Variants in MLLT1 observed in about 807,000 individuals in gnomAD.
MLLT1 encodes protein ENL.
A neutral mutation model predicts 55.1 loss-of-function variants in MLLT1; 11 were observed. The ratio of observed to expected loss-of-function variants is 0.20; its 90% confidence interval spans 0.13 to 0.33. MLLT1 has a LOEUF of 0.33. MLLT1 is among the 10% of genes least tolerant of loss of function. MLLT1 has a pLI of 1.00. For missense variants in MLLT1, 536 were observed against 760.6 expected (o/e 0.70, Z 3.47); for synonymous variants, 323 against 320.1 (o/e 1.01, Z -0.10).
chr19:6,256,437 T>A lies in MLLT1; in HGVS notation c.276+5791A>T, dbSNP rs900227327. ...TTGCACCACTGCACTCCAGCCTGGG[T>A]GATAGAGCAAGACTCTGACAAAAAA... On this transcript the variant is annotated intron_variant, in intron 3 of 11. Transcript: ENST00000252674. This position sits in a 1 kb window ranked among gnomAD's most constrained non-coding sequence, Gnocchi z 4.1. 2.1e-5 allele frequency among the ~76,000 whole-genome samples: 3 copies of A among 146,254 alleles called. No homozygotes were observed. The highest frequency in any genetic ancestry group is 7.7e-5 in the African/African-American group (3 of 39,170).
chr19:6,223,760 G>A (rs1827049284), intron 5 of MLLT1, among the ~76,000 whole-genome samples: 2 of 152,028 alleles, frequency 1.3e-5, no homozygotes, highest in Admixed American at 6.5e-5. Flanking sequence ...CCCACGGTGG[G>A]AGCCACGCCT....
intron 8 of MLLT1, 135 bp downstream of exon 8, chr19:6,216,270 G>A (rs2144847124): frequency 1.5e-6 from 1 of 664,092 alleles, no homozygotes; most frequent in Admixed American, 2.4e-5. Context: ...GGCCACCTGG[G>A]GATGGATCCC....
chr19:6,217,958 G>A lies in MLLT1; in HGVS notation c.1194C>T (p.Ser398=), dbSNP rs2144850926. The part of the protein sequence containing the change: ...DSDFEPSQNH[S]QGPLRSMVED... ...CCAGCTGCTCTCCATACACACCTTG[G>A]CTGTGGTTCTGGGATGGCTCGAAGT... The change falls in exon 7 of 12, where the codon AGC becomes AGT. Residue 398 remains serine (S), a synonymous_variant. Transcript: ENST00000252674. 2 of 1,603,950 alleles carry A rather than the reference G, an allele frequency of 1.2e-6. No individual in the cohort carries two copies. Among genetic ancestry groups the A allele is most frequent in the South Asian group, 1.1e-5 (1 of 90,222 alleles).
intron 2 of MLLT1, among the ~76,000 whole-genome samples, chr19:6,264,824 G>A (rs1359776569): frequency 5.3e-5 from 8 of 150,340 alleles, no homozygotes; most frequent in Non-Finnish European, 8.9e-5. Flanking sequence ...GCACCCAGGC[G>A]GTGGAGGTTG....
At position 6,222,512 on chromosome 19, in the gene MLLT1, T is replaced by C. The variant is rs1286763401; in HGVS notation, c.719A>G (p.Lys240Arg). 1 of 1,599,526 alleles carries C rather than the reference T, an allele frequency of 6.3e-7. No homozygotes were observed. The highest frequency in any genetic ancestry group is 8.5e-7 in the Non-Finnish European group (1 of 1,179,452). ...SRKLGEGRLP[K>R]EEKAPPPKAA... is the part of the protein sequence containing the mutation. The stretch of plus-strand genomic sequence containing the variant: ...CTTGGGCGGTGGCGCCTTCTCCTCC[T>C]TGGGCAGCCGGCCCTCGCCCAGCTT... The change falls in exon 6 of 12, where the codon AAG becomes AGG. Residue 240 changes from lysine (K) to arginine (R), a missense_variant. Physicochemically the swap from Lys to Arg is conservative, Grantham distance 26. This residue lies in a region of MLLT1 where 449 missense variants were observed against 489.0 expected (regional missense o/e 0.92). Transcript: ENST00000252674. This position sits in a 1 kb window ranked among gnomAD's most constrained non-coding sequence, Gnocchi z 4.1.
chr19:6,274,847 T>C (rs2091419975), intron 1 of MLLT1, among the ~76,000 whole-genome samples: 1 of 152,198 alleles, frequency 6.6e-6, no homozygotes, highest in Non-Finnish European at 1.5e-5. Flanking sequence ...TGGGGACAGT[T>C]AGGCTTGGGC....
chr19:6,225,403 C>T (rs966614533), intron 5 of MLLT1, among the ~76,000 whole-genome samples: 1 of 152,232 alleles, frequency 6.6e-6, no homozygotes, highest in Non-Finnish European at 1.5e-5. Flanking sequence ...ACTCTCCAGG[C>T]AGAGAGCCAG....
Position 6,212,480 on chromosome 19 carries a change from A to C in MLLT1, c.*562T>G. 1 of 1,066,710 alleles carries C rather than the reference A, an allele frequency of 9.4e-7. No individual in the cohort carries two copies. 66.1% of individuals were successfully genotyped at this position (1,066,710 alleles called of 1,614,324 possible). A position where few individuals can be genotyped will look rare whatever the true frequency, so the allele number is the denominator to read the frequency against. ...GACACTGCTCTTGACCAGACAGTGC[A>C]CACACATATATAATAGAGAGAACTA... On this transcript the variant is annotated 3_prime_UTR_variant, in exon 12 of 12. Coordinates refer to ENST00000252674, the MANE Select transcript of MLLT1 (RefSeq NM_005934.4).
chr19:6,271,399 G>C (rs1041144105), intron 1 of MLLT1, among the ~76,000 whole-genome samples: 1 of 152,162 alleles, frequency 6.6e-6, no homozygotes, highest in Non-Finnish European at 1.5e-5. Context: ...TTCAAAAGCA[G>C]AATGGGAGGT....
At chr19:6,239,665 C>G (rs1348028011) in intron 3 of MLLT1, among the ~76,000 whole-genome samples, 1 of 151,974 alleles carries the variant, frequency 6.6e-6, no homozygotes, top group African/African-American at 2.4e-5. Context: ...ATACTCATCC[C>G]TCACCTACCT....
intron 1 of MLLT1, among the ~76,000 whole-genome samples, chr19:6,272,948 T>A (rs2091406666): frequency 6.6e-6 from 1 of 152,234 alleles, no homozygotes; most frequent in Non-Finnish European, 1.5e-5. Flanking sequence ...GATGTACAAT[T>A]TTTATTTGTC....
intron 3 of MLLT1, among the ~76,000 whole-genome samples, chr19:6,261,327 T>C (rs1350013397): frequency 6.6e-6 from 1 of 152,224 alleles, no homozygotes; most frequent in African/African-American, 2.4e-5. Flanking sequence ...ACCCGGCTCC[T>C]AGGACGGCCG....
chr19:6,249,356 A>G (rs1381153934), intron 3 of MLLT1, among the ~76,000 whole-genome samples: 1 of 152,192 alleles, frequency 6.6e-6, no homozygotes, highest in Admixed American at 6.5e-5. Flanking sequence ...CTCACTCACT[A>G]GAACAGGAAG....
chr19:6,253,872 C>G (rs2091238273), intron 3 of MLLT1, among the ~76,000 whole-genome samples: 1 of 152,146 alleles, frequency 6.6e-6, no homozygotes, highest in East Asian at 1.9e-4. Flanking sequence ...TGCTCCTAGT[C>G]CTGGCACCGA....
rs117908149 is a variant in MLLT1 at position 6,277,750 on chromosome 19, G to T, written c.12+2023C>A. On this transcript the variant is annotated intron_variant, in intron 1 of 11. Coordinates refer to ENST00000252674, the MANE Select transcript of MLLT1 (RefSeq NM_005934.4). ...CAGGGACTAAGGAAGGAGGAAAGGGGCCATACCCTATGCCTCTGTGTGCCC... is the reference window on the plus strand; with the variant it reads ...CAGGGACTAAGGAAGGAGGAAAGGGTCCATACCCTATGCCTCTGTGTGCCC... 4.5e-3 allele frequency among the ~76,000 whole-genome samples: 691 copies of T among 152,310 alleles called. 4 individuals carry two copies. Among genetic ancestry groups the T allele is most frequent in the South Asian group, 7.9e-3 (38 of 4,820 alleles).
In MLLT1 at chr19:6,244,043, C is replaced by CAAAA. The variant is rs1179461309; in HGVS notation, c.277-13334_277-13331dup. ...TGGGTGACAGAGCAAGACTCCACCTCAAAAAAAAAAAAAAAAAAAAAAGAA... is the reference window on the plus strand; with the variant it reads ...TGGGTGACAGAGCAAGACTCCACCTCAAAAAAAAAAAAAAAAAAAAAAAAAAGAA... On this transcript the variant is annotated intron_variant, in intron 3 of 11. Coordinates refer to ENST00000252674, the MANE Select transcript of MLLT1 (RefSeq NM_005934.4). Among the ~76,000 whole-genome samples the CAAAA allele has an allele frequency of 8.0e-3, 363 of 45,138 alleles. 7 individuals carry two copies. The East Asian group carries it at 0.11, about 14-fold the overall frequency. 29.6% of individuals were successfully genotyped at this position (45,138 alleles called of 152,430 possible).
At chr19:6,238,870 C>T (rs556305001) in intron 3 of MLLT1, among the ~76,000 whole-genome samples, 76 of 152,386 alleles carry the variant, frequency 5.0e-4, no homozygotes, top group Non-Finnish European at 8.7e-4. Flanking sequence ...CAGCAGCAAA[C>T]GCCTTGCTCT....
intron 2 of MLLT1, among the ~76,000 whole-genome samples, chr19:6,269,057 G>A (rs1350109552): frequency 2.0e-5 from 3 of 152,194 alleles, no homozygotes; most frequent in Admixed American, 6.5e-5. Context: ...AAGTGGAGTG[G>A]ATGCCACCAG....
At position 6,270,897 on chromosome 19, in the gene MLLT1, G is replaced by A. The variant is rs1156341665; in HGVS notation, c.13-138C>T. ...CAACCCAGTGAGCAGCACACAGACG[G>A]CTTCCTATCGCGCCAGCACCTTGCC... On this transcript the variant is annotated intron_variant, in intron 1 of 11. Transcript: ENST00000252674. This position sits in a 1 kb window ranked among gnomAD's most constrained non-coding sequence, Gnocchi z 7.1. The A allele has an allele frequency of 2.5e-6, 2 of 790,796 alleles. No homozygotes were observed. Among genetic ancestry groups the A allele is most frequent in the Admixed American group, 3.2e-5 (1 of 31,698 alleles). The allele number at this position is 790,796 out of a possible 1,614,324, so 49.0% of individuals were successfully genotyped here. A position where few individuals can be genotyped will look rare whatever the true frequency, so the allele number is the denominator to read the frequency against.
Sources: allele counts gnomAD v4.1 joint callset (sites outside exome capture counted in the v4.1 genomes callset), GRCh38; gene constraint gnomAD v4.1.1; regional missense constraint gnomAD v4.1.1; non-coding constraint Gnocchi (gnomAD v3.1); transcripts MANE v1.5; gene names NCBI Gene and HGNC (gene_info 2026-07-23, HGNC 2026-07-21).